TTLL5: variants seen among roughly 807,000 people sequenced by gnomAD.
TTLL5 encodes the protein tubulin polyglutamylase TTLL5.
In TTLL5, 132 loss-of-function variants were observed where a neutral mutation model predicts 168.4. That is an observed-to-expected ratio of 0.78 (90% CI 0.68 to 0.91). The LOEUF (loss-of-function observed/expected upper bound fraction) is 0.91, where lower values mean the gene tolerates loss of function less well. Ranked by LOEUF, TTLL5 falls within the 40% of genes least tolerant of loss-of-function variation. The probability of loss-of-function intolerance (pLI) is 0.00; values close to 1 mark genes in which losing one functional copy is unlikely to be tolerated. For synonymous variants in TTLL5, 546 were observed against 558.6 expected (o/e 0.98, Z 0.32); for missense variants, 1,545 against 1,581.5 (o/e 0.98, Z 0.39).
At position 75,713,851 on chromosome 14, in the gene TTLL5, C is replaced by T. The variant is rs150036151; in HGVS notation, c.741-4010C>T. On this transcript the variant is annotated intron_variant, in intron 9 of 31. Coordinates refer to ENST00000298832, the MANE Select transcript of TTLL5 (RefSeq NM_015072.5). ...TTTTTTACACTTTTAATTTTGAAAC[C>T]GTTTTGAACTTATAGAGTTGTCAGA... is the stretch of plus-strand genomic sequence containing the variant. Among the ~76,000 whole-genome samples the T allele has an allele frequency of 4.0e-3, 610 of 152,102 alleles. 3 individuals are homozygous for T. Among genetic ancestry groups the T allele is most frequent in the East Asian group, 9.5e-3 (49 of 5,182 alleles).
intron 29 of TTLL5, among the ~76,000 whole-genome samples, chr14:75,869,150 A>G (rs578043182): frequency 1.3e-5 from 2 of 150,504 alleles, no homozygotes; most frequent in African/African-American, 2.4e-5. Context: ...CTTTTGTTCT[A>G]TTTTATTTTC....
chr14:75,923,288 T>TC (rs2033893851), intron 31 of TTLL5, among the ~76,000 whole-genome samples: 1 of 152,244 alleles, frequency 6.6e-6, no homozygotes, highest in Non-Finnish European at 1.5e-5. Flanking sequence ...TCTAGTTCTT[T>TC]CCATTGTGAT....
At chr14:75,785,936 A>T (rs978672655) in intron 26 of TTLL5, among the ~76,000 whole-genome samples, 1 of 152,204 alleles carries the variant, frequency 6.6e-6, no homozygotes, top group African/African-American at 2.4e-5. Flanking sequence ...TAGGATTATT[A>T]TCTGTGGATC....
chr14:75,819,305 A>G (rs1271709468), intron 27 of TTLL5, among the ~76,000 whole-genome samples: 1 of 152,234 alleles, frequency 6.6e-6, no homozygotes, highest in Non-Finnish European at 1.5e-5. Flanking sequence ...AGATTCTACC[A>G]ATTTATAGTC....
At chr14:75,697,215 G>A (rs771081924) in intron 6 of TTLL5, among the ~76,000 whole-genome samples, 84 of 152,178 alleles carry the variant, frequency 5.5e-4, no homozygotes, top group Non-Finnish European at 9.6e-4. Flanking sequence ...GGCCTGCAAA[G>A]CCTAAAATAT....
intron 7 of TTLL5, among the ~76,000 whole-genome samples, chr14:75,703,262 A>G (rs890350947): frequency 6.6e-6 from 1 of 152,188 alleles, no homozygotes; most frequent in Non-Finnish European, 1.5e-5. Context: ...CTCTCTTCCC[A>G]CTGGAGTGAG....
At chr14:75,840,459 C>G (rs997085138) in intron 28 of TTLL5, among the ~76,000 whole-genome samples, 1 of 151,938 alleles carries the variant, frequency 6.6e-6, no homozygotes, top group Non-Finnish European at 1.5e-5. Flanking sequence ...CATTGTTCAC[C>G]TCCCACTTAG....
intron 31 of TTLL5, among the ~76,000 whole-genome samples, chr14:75,920,598 A>G (rs780934265): frequency 4.6e-5 from 7 of 152,208 alleles, no homozygotes; most frequent in Non-Finnish European, 8.8e-5. Context: ...TTATGGCTGC[A>G]TAGTATTCCA....
intron 7 of TTLL5, among the ~76,000 whole-genome samples, chr14:75,700,802 A>G (rs1297484058): frequency 6.6e-6 from 1 of 152,166 alleles, no homozygotes; most frequent in African/African-American, 2.4e-5. Flanking sequence ...GGAGGCAATA[A>G]GTGAGTTGCT....
chr14:75,669,090 C>T (rs1189077831), intron 2 of TTLL5, among the ~76,000 whole-genome samples: 1 of 152,078 alleles, frequency 6.6e-6, no homozygotes, highest in East Asian at 1.9e-4. Context: ...AGAAAGAAAC[C>T]ATTGCTTTCT....
intron 29 of TTLL5, among the ~76,000 whole-genome samples, chr14:75,867,621 G>A (rs1223587054): frequency 6.6e-6 from 1 of 152,054 alleles, no homozygotes; most frequent in Non-Finnish European, 1.5e-5. Context: ...TTAGCCGGGC[G>A]TGGTGGCGCA....
chr14:75,904,497 G>A (rs1229886686), intron 31 of TTLL5, among the ~76,000 whole-genome samples: 1 of 152,168 alleles, frequency 6.6e-6, no homozygotes, highest in African/African-American at 2.4e-5. Flanking sequence ...CTCCAGCTGA[G>A]CCAGTTGGAA....
At chr14:75,669,720 T>C (rs1411228565) in intron 3 of TTLL5, among the ~76,000 whole-genome samples, 198 bp downstream of exon 3, 1 of 152,172 alleles carries the variant, frequency 6.6e-6, no homozygotes, top group Non-Finnish European at 1.5e-5. Context: ...TTCAAGAATA[T>C]TGTGTACATG....
At chr14:75,704,028 T>C (rs4903342) in intron 7 of TTLL5, among the ~76,000 whole-genome samples, 6,607 of 152,314 alleles carry the variant, frequency 0.043, 180 homozygotes, top group Non-Finnish European at 0.062. Context: ...TAATAACTAA[T>C]GTTTATTGAG....
At chr14:75,745,348 G>T in intron 16 of TTLL5, 140 bp downstream of exon 16, 1 of 1,191,344 alleles carries the variant, frequency 8.4e-7, no homozygotes, top group East Asian at 2.5e-5. Flanking sequence ...TGTTTTCTCA[G>T]GGAAGAACAT....
At chr14:75,710,243 C>G (rs183320371) in intron 9 of TTLL5, 1 of 152,252 alleles carries the variant, frequency 6.6e-6, no homozygotes. Flanking sequence ...TAAGACCTTT[C>G]TGGTTCAGAG....
chr14:75,779,727 A>T, intron 24 of TTLL5, 25 bp downstream of exon 24: 1 of 1,581,762 alleles, frequency 6.3e-7, no homozygotes. Flanking sequence ...TAATGAACGA[A>T]AAATAAGAAG....
rs367910225 is a variant in TTLL5, at chr14:75,771,807, G to A, written c.2089G>A (p.Gly697Ser). ...AATTCGCCTGATGAAAGACAGTGGCGGTCAGACGTTCAGTGCCAGTTGGGC... is the reference window on the plus strand; with the variant it reads ...AATTCGCCTGATGAAAGACAGTGGCAGTCAGACGTTCAGTGCCAGTTGGGC... ...VQIRLMKDSGGQTFSASWAAK... is the reference protein window; with the variant it reads ...VQIRLMKDSGSQTFSASWAAK... Residue 697 changes from glycine to serine, a missense_variant, in exon 21 of 32, where the codon GGT (glycine) becomes AGT (serine). Physicochemically the swap from Gly to Ser is moderately conservative, Grantham distance 56. Coordinates refer to ENST00000298832, the MANE Select transcript of TTLL5 (RefSeq NM_015072.5). The A allele has an allele frequency of 7.7e-5, 125 of 1,613,864 alleles. 1 individual carries two copies. Among genetic ancestry groups the A allele is most frequent in the Non-Finnish European group, 9.8e-5 (116 of 1,179,948 alleles).
intron 12 of TTLL5, among the ~76,000 whole-genome samples, chr14:75,723,511 T>G (rs1292658200): frequency 6.6e-6 from 1 of 152,206 alleles, no homozygotes; most frequent in Non-Finnish European, 1.5e-5. Context: ...TTTCTACATC[T>G]ACTTGGCTCT....
Sources: gnomAD v4.1 joint callset for allele counts (sites outside exome capture counted in the v4.1 genomes callset) on GRCh38, gnomAD v4.1.1 for gene constraint, MANE v1.5 for transcripts, NCBI Gene and HGNC (gene_info 2026-07-23, HGNC 2026-07-21) for gene names.